Variants in PLD3 observed in about 807,000 individuals in gnomAD.
The protein encoded by PLD3 is phospholipase D family member 3.
In PLD3, 31 loss-of-function variants were observed where a neutral mutation model predicts 58.4. The ratio of observed to expected loss-of-function variants is 0.53; its 90% CI spans 0.40 to 0.72. The LOEUF (loss-of-function observed/expected upper bound fraction) is 0.72, where lower values mean the gene tolerates loss of function less well. Among genes scored for constraint, PLD3 ranks in the 30% least tolerant of loss-of-function variants. The probability of loss-of-function intolerance (pLI) is 0.00; values close to 1 mark genes in which losing one functional copy is unlikely to be tolerated. For synonymous variants in PLD3, 264 were observed against 273.4 expected (o/e 0.97, Z 0.34); for missense variants, 595 against 659.8 (o/e 0.90, Z 1.08).
In PLD3 at chr19:40,370,152, G is replaced by C; in HGVS notation, c.593G>C (p.Gly198Ala). 1 of 1,613,932 alleles carries C rather than the reference G, an allele frequency of 6.2e-7. No individual in the cohort carries two copies. Among genetic ancestry groups the C allele is most frequent in the Non-Finnish European group, 8.5e-7 (1 of 1,179,942 alleles). Reference sequence around the variant, plus strand: ...GTGGACATGCAGAAGCTGACCCATGGCGTCCTGCATACCAAGTTCTGGGTG... The same window carrying C: ...GTGGACATGCAGAAGCTGACCCATGCCGTCCTGCATACCAAGTTCTGGGTG... ...RMVDMQKLTH[G>A]VLHTKFWVVD... Residue 198 changes from glycine to alanine, a missense_variant, in exon 8 of 13, where the codon GGC becomes GCC. Gly to Ala is a moderately conservative substitution (Grantham distance 60). Coordinates refer to ENST00000409735, the MANE Select transcript of PLD3 (RefSeq NM_012268.4).
rs554574465 is a variant in PLD3, at chr19:40,370,411, A to T, written c.678+174A>T. 17 of 642,126 alleles carry T rather than the reference A, an allele frequency of 2.6e-5. No individual in the cohort carries two copies. The African/African-American group carries it at 3.2e-4, about 12-fold the overall frequency. The allele number at this position is 642,126 out of a possible 1,614,324, so 39.8% of individuals were successfully genotyped here. A position where few individuals can be genotyped will look rare whatever the true frequency, so the allele number is the denominator to read the frequency against. On this transcript the variant is annotated intron_variant, in intron 8 of 12. Coordinates refer to ENST00000409735, the MANE Select transcript of PLD3 (RefSeq NM_012268.4). ...ATCCAAGCCATGCACGGTGGCTCAC[A>T]CCTATAATCTCAACACTTTGGGAGG... is the stretch of plus-strand genomic sequence containing the variant.
intron 2 of PLD3, chr19:40,366,202 T>C: frequency 1.9e-6 from 1 of 533,412 alleles, no homozygotes; most frequent in Non-Finnish European, 3.3e-6. Flanking sequence ...GGGGGCAGGG[T>C]GGGCACTGCA....
At position 40,378,391 on chromosome 19, in the gene PLD3, TGGG is replaced by T; in HGVS notation, c.*221_*223del. 1 of 649,822 alleles carries T rather than the reference TGGG, an allele frequency of 1.5e-6. No homozygotes were observed. The highest frequency in any genetic ancestry group is 2.8e-6 in the Non-Finnish European group (1 of 360,822). 40.3% of individuals were successfully genotyped at this position (649,822 alleles called of 1,614,324 possible). On this transcript the variant is annotated 3_prime_UTR_variant, in exon 13 of 13. Transcript: ENST00000409735. ...GGGGAGGGATCAGCCCCCAAAGAAATGGGGGTGCATGCTGGGCCTGGCCCCCTG... is the reference window on the plus strand; with the variant it reads ...GGGGAGGGATCAGCCCCCAAAGAAATGGTGCATGCTGGGCCTGGCCCCCTG...
rs757510525 is a variant in PLD3 at position 40,369,971 on chromosome 19, G to T, written c.493G>T (p.Val165Leu). 6.4e-7 allele frequency: 1 copy of T among 1,561,706 alleles called. No homozygotes were observed. Among genetic ancestry groups the T allele is most frequent in the South Asian group, 1.2e-5 (1 of 85,160 alleles). Residue 165 changes from valine to leucine, a missense_variant, in exon 7 of 13, where the codon GTG becomes TTG. Transcript: ENST00000409735. Reference sequence around the variant, plus strand: ...AAAGGGCGTGAACGTCCGCATCGCTGTGAGCAAGCCCAGCGGGCCCCAGCC... The same window carrying T: ...AAAGGGCGTGAACGTCCGCATCGCTTTGAGCAAGCCCAGCGGGCCCCAGCC... The part of the protein sequence containing the change: ...APKGVNVRIA[V>L]SKPSGPQPQA...
intron 1 of PLD3, chr19:40,358,738 GAA>G (rs2145670343): frequency 6.6e-6 from 1 of 152,440 alleles, no homozygotes; most frequent in Non-Finnish European, 1.5e-5. Flanking sequence ...GCAGGGCTCA[GAA>G]GTAAAGCCCC....
chr19:40,361,832 T>C (rs1347416320), intron 1 of PLD3, among the ~76,000 whole-genome samples: 1 of 150,490 alleles, frequency 6.6e-6, no homozygotes, highest in African/African-American at 2.5e-5. Context: ...TATTATCTTG[T>C]TTATTATCAC....
At chr19:40,366,112 C>T (rs1213343631) in intron 2 of PLD3, 182 bp downstream of exon 2, 2 of 347,056 alleles carry the variant, frequency 5.8e-6, no homozygotes, top group Non-Finnish European at 1.1e-5. Context: ...TGACCTCATC[C>T]AGCGCTGCCT....
intron 11 of PLD3, among the ~76,000 whole-genome samples, chr19:40,377,450 G>A (rs2079261301): frequency 6.7e-6 from 1 of 149,346 alleles, no homozygotes; most frequent in African/African-American, 2.5e-5. Context: ...AGGCAGAGGG[G>A]TCAGGGCTGG....
At chr19:40,350,260 CAAAAAAAA>C (rs763559067) in intron 1 of PLD3, among the ~76,000 whole-genome samples, 1 of 68,122 alleles carries the variant, frequency 1.5e-5, no homozygotes, top group African/African-American at 6.7e-5. Context: ...GACTCCGTCT[CAAAAAAAA>C]AAAAAAAAAA....
intron 9 of PLD3, among the ~76,000 whole-genome samples, chr19:40,372,587 A>ATCACTTGAGGCCAGGG (rs2079092113): frequency 6.6e-6 from 1 of 151,432 alleles, no homozygotes; most frequent in African/African-American, 2.4e-5. Context: ...TGAGGCCAGG[A>ATCACTTGAGGCCAGGG]GTTCATGACC....
intron 1 of PLD3, among the ~76,000 whole-genome samples, chr19:40,350,378 T>C (rs1273941253): frequency 6.6e-6 from 1 of 151,426 alleles, no homozygotes; most frequent in East Asian, 2.0e-4. Flanking sequence ...ATTCTGCACA[T>C]AATTCTTAAG....
In PLD3 at chr19:40,378,216, G is replaced by T. The variant is rs377210332; in HGVS notation, c.*43G>T. 6.4e-7 allele frequency: 1 copy of T among 1,567,914 alleles called. No individual in the cohort carries two copies. The highest frequency in any genetic ancestry group is 8.7e-7 in the Non-Finnish European group (1 of 1,149,760). ...AGGCCAAGGCCTGCTGGGCCCCCGC[G>T]GACCCAGGTGCTCTGGGTCACGGTC... On this transcript the variant is annotated 3_prime_UTR_variant, in exon 13 of 13. Transcript: ENST00000409735.
At chr19:40,363,854 C>T (rs1460079470) in intron 1 of PLD3, among the ~76,000 whole-genome samples, 1 of 152,178 alleles carries the variant, frequency 6.6e-6, no homozygotes, top group Non-Finnish European at 1.5e-5. Context: ...GTTATCCCTA[C>T]AAATCTAGGT....
In PLD3 at chr19:40,378,026, G is replaced by C; in HGVS notation, c.1326G>C (p.Ala442=). The C allele has an allele frequency of 6.2e-7, 1 of 1,613,506 alleles. No individual in the cohort carries two copies. The highest frequency in any genetic ancestry group is 8.5e-7 in the Non-Finnish European group (1 of 1,179,686). ...NWSGNYFTET[A]GTSLLVTQNG... The stretch of plus-strand genomic sequence containing the variant: ...CTGGCAACTACTTCACGGAGACGGC[G>C]GGCACCTCGCTGCTGGTGACGCAGA... Residue 442 remains alanine, a synonymous_variant, in exon 13 of 13, where the codon GCG becomes GCC. Coordinates refer to ENST00000409735, the MANE Select transcript of PLD3 (RefSeq NM_012268.4).
At chr19:40,373,211 G>T (rs1239329687) in intron 9 of PLD3, among the ~76,000 whole-genome samples, 1 of 152,166 alleles carries the variant, frequency 6.6e-6, no homozygotes, top group Non-Finnish European at 1.5e-5. Context: ...AGGGCCTCCC[G>T]CAGGGGATCA....
Position 40,376,681 on chromosome 19 carries a change from C to T in PLD3, c.1092C>T (p.Ile364=), listed in dbSNP as rs57187324. The change falls in exon 11 of 13, where the codon ATC becomes ATT. Residue 364 remains isoleucine, a synonymous_variant. Transcript: ENST00000409735. ...GTGGCGTCAAGGTGCGCCTGCTCAT[C>T]AGCTGCTGGGGACACTCGGAGCCAT... is the stretch of plus-strand genomic sequence containing the variant. ...YERGVKVRLL[I]SCWGHSEPSM... 1.6e-3 allele frequency: 2,543 copies of T among 1,606,324 alleles called. 40 individuals are homozygous for T. The African/African-American group carries it at 0.03, about 19-fold the overall frequency.
At chr19:40,350,735 C>A (rs1377398274) in intron 1 of PLD3, among the ~76,000 whole-genome samples, 1 of 150,042 alleles carries the variant, frequency 6.7e-6, no homozygotes, top group Non-Finnish European at 1.5e-5. Flanking sequence ...CAGAGTGAGA[C>A]CCCATCTCAA....
chr19:40,370,381 C>A, intron 8 of PLD3, 144 bp downstream of exon 8: 1 of 899,344 alleles, frequency 1.1e-6, no homozygotes, highest in Non-Finnish European at 1.7e-6. Flanking sequence ...TACCAGGCCT[C>A]CCTAATCCAA....
Position 40,366,635 on chromosome 19 carries a change from C to G in PLD3, c.53C>G (p.Ala18Gly). The change falls in exon 4 of 13, where the codon GCC becomes GGC. Residue 18 changes from alanine to glycine, a missense_variant. By Grantham distance (60) the Ala-to-Gly change is moderately conservative. Coordinates refer to ENST00000409735, the MANE Select transcript of PLD3 (RefSeq NM_012268.4). The stretch of plus-strand genomic sequence containing the variant: ...CTGAAGGTGCCTGCAGAGGAGCCCG[C>G]CAATGAGCTGCCCATGAATGAGATT... Reference protein sequence around the residue: ...QELKVPAEEPANELPMNEIEA... With the variant: ...QELKVPAEEPGNELPMNEIEA... 6.3e-7 allele frequency: 1 copy of G among 1,583,488 alleles called. No individual in the cohort carries two copies. Among genetic ancestry groups the G allele is most frequent in the Non-Finnish European group, 8.6e-7 (1 of 1,163,088 alleles).
Sources: allele counts gnomAD v4.1 joint callset (sites outside exome capture counted in the v4.1 genomes callset), GRCh38; gene constraint gnomAD v4.1.1; transcripts MANE v1.5; gene names NCBI Gene and HGNC (gene_info 2026-07-23, HGNC 2026-07-21).